CPNE4: variants seen among roughly 807,000 people sequenced by gnomAD.
CPNE4 encodes copine 4, also known as copine-4.
CPNE4 carries 25 observed loss-of-function variants against 67.9 expected under a neutral mutation model. The ratio of observed to expected loss-of-function variants is 0.37; its 90% CI spans 0.27 to 0.51. CPNE4 has a LOEUF of 0.51. Ranked by LOEUF, CPNE4 falls within the 20% of genes least tolerant of loss-of-function variation. The pLI, the probability that CPNE4 is intolerant of heterozygous loss-of-function variation, is 0.93. For synonymous variants in CPNE4, 242 were observed against 244.9 expected (o/e 0.99, Z 0.11); for missense variants, 464 against 690.8 (o/e 0.67, Z 3.68).
chr3:131,555,572 A>G (rs1936416735), intron 11 of CPNE4, 21 bp from the exon 12 acceptor site: 1 of 1,605,436 alleles, frequency 6.2e-7, no homozygotes, highest in East Asian at 2.2e-5. Context: ...AATGAAGAAA[A>G]GAAAAAACAA....
chr3:131,603,854 A>G (rs1327841568), intron 7 of CPNE4, among the ~76,000 whole-genome samples: 1 of 152,178 alleles, frequency 6.6e-6, no homozygotes, highest in Non-Finnish European at 1.5e-5. Flanking sequence ...TTGGTCAGAG[A>G]ATGGCCATTA....
intron 2 of CPNE4, among the ~76,000 whole-genome samples, chr3:131,879,561 C>T (rs1258214664): frequency 6.6e-6 from 1 of 152,160 alleles, no homozygotes; most frequent in Non-Finnish European, 1.5e-5. Flanking sequence ...TTCCTCTCCC[C>T]ACTGAGTGCT....
intron 2 of CPNE4, among the ~76,000 whole-genome samples, chr3:131,828,421 CA>C (rs1170607291): frequency 2.0e-5 from 3 of 152,122 alleles, no homozygotes; most frequent in Admixed American, 6.6e-5. Context: ...TCCCATCAGT[CA>C]AAAAATTGTC....
chr3:131,948,074 T>G (rs1443447188), intron 1 of CPNE4, among the ~76,000 whole-genome samples: 1 of 152,240 alleles, frequency 6.6e-6, no homozygotes, highest in Non-Finnish European at 1.5e-5. Context: ...AATGTTTTAT[T>G]GTTTTCAATG....
intron 1 of CPNE4, among the ~76,000 whole-genome samples, chr3:131,968,389 A>G (rs1276759785): frequency 1.3e-5 from 2 of 152,234 alleles, no homozygotes; most frequent in African/African-American, 4.8e-5. Context: ...GCTTCTGCAC[A>G]GCAAAAGAAA....
At chr3:131,561,649 A>G (rs1936773830) in intron 11 of CPNE4, among the ~76,000 whole-genome samples, 1 of 152,006 alleles carries the variant, frequency 6.6e-6, no homozygotes, top group Non-Finnish European at 1.5e-5. Context: ...GCTGGGAGGA[A>G]TTTCTAAGGC....
intron 5 of CPNE4, among the ~76,000 whole-genome samples, chr3:131,688,834 T>C (rs1002030748): frequency 1.4e-5 from 2 of 139,410 alleles, no homozygotes; most frequent in African/African-American, 5.2e-5. Flanking sequence ...ATAAATCTTT[T>C]TCTAGACTCT....
chr3:131,991,827 C>A (rs772796519), intron 1 of CPNE4, among the ~76,000 whole-genome samples: 1 of 135,642 alleles, frequency 7.4e-6, no homozygotes, highest in African/African-American at 2.5e-5. Context: ...GGATATGGTA[C>A]CCTGCCATGT....
chr3:131,672,934 T>A (rs1461276335), intron 6 of CPNE4, among the ~76,000 whole-genome samples: 1 of 152,098 alleles, frequency 6.6e-6, no homozygotes, highest in Non-Finnish European at 1.5e-5. Context: ...CTTAGAGAGT[T>A]TCCCTAATGT....
At chr3:131,748,262 G>C (rs1458566866) in intron 2 of CPNE4, among the ~76,000 whole-genome samples, 1 of 151,804 alleles carries the variant, frequency 6.6e-6, no homozygotes, top group Non-Finnish European at 1.5e-5. Context: ...ACCAATCTTT[G>C]GTTTTTAAAT....
intron 2 of CPNE4, among the ~76,000 whole-genome samples, chr3:131,788,093 G>T (rs17295394): frequency 0.3 from 44,815 of 151,774 alleles, 6,830 homozygotes; most frequent in East Asian, 0.39. Context: ...TGATTTTGAG[G>T]TATTCAAATT....
chr3:131,623,216 C>T (rs1259328225), intron 7 of CPNE4, among the ~76,000 whole-genome samples: 2 of 147,310 alleles, frequency 1.4e-5, no homozygotes. Flanking sequence ...ACTGTAGTGA[C>T]ATACTTAAAC....
intron 1 of CPNE4, among the ~76,000 whole-genome samples, chr3:132,006,815 G>A (rs527524476): frequency 3.3e-5 from 5 of 152,134 alleles, no homozygotes; most frequent in African/African-American, 1.2e-4. Context: ...TGTGGAGCAG[G>A]ATTTGTTATT....
Position 131,868,894 on chromosome 3 carries a change from A to AT in CPNE4, c.180+36369dup, listed in dbSNP as rs781394459. On this transcript the variant is annotated intron_variant, in intron 2 of 15. Transcript: ENST00000429747. Reference sequence around the variant, plus strand: ...ACCGTCTCTTTAGAATTGAGTAGATATTGGACACCACCTCTGTAAAGGACT... The same window carrying AT: ...ACCGTCTCTTTAGAATTGAGTAGATATTTGGACACCACCTCTGTAAAGGACT... Among the ~76,000 whole-genome samples, 6 of 152,286 alleles carry AT rather than the reference A, an allele frequency of 3.9e-5. No individual in the cohort carries two copies. In the East Asian group the frequency reaches 1.2e-3, roughly 29 times the overall value.
At chr3:131,661,439 C>G (rs927586200) in intron 7 of CPNE4, among the ~76,000 whole-genome samples, 10 of 152,140 alleles carry the variant, frequency 6.6e-5, no homozygotes, top group Non-Finnish European at 1.3e-4. Flanking sequence ...AATTCAGAAG[C>G]CTGCATGATT....
intron 2 of CPNE4, among the ~76,000 whole-genome samples, chr3:131,821,192 T>C (rs1481082918): frequency 1.3e-5 from 2 of 152,112 alleles, no homozygotes; most frequent in African/African-American, 4.8e-5. Context: ...TGATAAAGAG[T>C]AATGTATTTT....
intron 2 of CPNE4, among the ~76,000 whole-genome samples, chr3:131,876,591 A>G (rs902436193): frequency 2.1e-5 from 3 of 144,690 alleles, no homozygotes; most frequent in Non-Finnish European, 4.5e-5. Flanking sequence ...GCAGTGAGCC[A>G]AGATCGCACC....
At chr3:131,536,936 C>A (rs1419767736) in intron 15 of CPNE4, among the ~76,000 whole-genome samples, 1 of 152,104 alleles carries the variant, frequency 6.6e-6, no homozygotes. Context: ...AACAATATGA[C>A]CCAATTCCAT....
At chr3:131,696,652 G>A (rs774427669) in intron 4 of CPNE4, 36 bp from the exon 5 acceptor site, 1 of 1,583,288 alleles carries the variant, frequency 6.3e-7, no homozygotes, top group African/African-American at 1.3e-5. Flanking sequence ...GCAATAGAGG[G>A]TGAACTCCTT....
Sources: allele counts gnomAD v4.1 joint callset (sites outside exome capture counted in the v4.1 genomes callset), GRCh38; gene constraint gnomAD v4.1.1; transcripts MANE v1.5; gene names NCBI Gene and HGNC (gene_info 2026-07-23, HGNC 2026-07-21).